Variants in MAF observed in about 807,000 individuals in gnomAD.
MAF encodes the protein MAF bZIP transcription factor, also known as transcription factor Maf.
MAF carries 10 observed loss-of-function variants against 22.0 expected under a neutral mutation model. That is an observed-to-expected ratio of 0.45 (90% CI 0.28 to 0.77). The LOEUF (loss-of-function observed/expected upper bound fraction) is 0.77, where lower values mean the gene tolerates loss of function less well. Ranked by LOEUF, MAF falls within the 30% of genes least tolerant of loss-of-function variation. MAF has a pLI of 0.12. For synonymous variants in MAF, 337 were observed against 255.8 expected, an observed-to-expected ratio of 1.32 and a Z score of -3.03; for missense variants, 544 against 548.4, an observed-to-expected ratio of 0.99 and a Z score of 0.08.
the MAF span, among the ~76,000 whole-genome samples, chr16:79,486,436 A>C: frequency 6.6e-6 from 1 of 152,160 alleles, no homozygotes; most frequent in Non-Finnish European, 1.5e-5. Context: ...GATGTAAGCC[A>C]TGTGTTTTTC....
the MAF span, among the ~76,000 whole-genome samples, chr16:79,269,707 G>A: frequency 3.9e-5 from 6 of 152,138 alleles, no homozygotes; most frequent in African/African-American, 9.7e-5. Context: ...CTTCAAGGTC[G>A]GGGGCTGTCC....
the MAF span, among the ~76,000 whole-genome samples, chr16:79,506,286 C>A: frequency 6.6e-6 from 1 of 152,170 alleles, no homozygotes; most frequent in African/African-American, 2.4e-5. Context: ...CATTTTAATG[C>A]TAAGGAAGCT....
At chr16:79,465,583 G>A in the MAF span, among the ~76,000 whole-genome samples, 8 of 152,176 alleles carry the variant, frequency 5.3e-5, no homozygotes, top group African/African-American at 1.9e-4. Flanking sequence ...CCGGGTGACA[G>A]AGCGAGACCC....
chr16:79,502,708 A>AATATAAATATATATAC, the MAF span, among the ~76,000 whole-genome samples: 4 of 34,000 alleles, frequency 1.2e-4, no homozygotes, highest in Non-Finnish European at 2.2e-4. Context: ...TATAAATATA[A>AATATAAATATATATAC]ATATATATAT....
chr16:79,272,179 G>A, the MAF span, among the ~76,000 whole-genome samples: 3 of 152,214 alleles, frequency 2.0e-5, no homozygotes, highest in East Asian at 1.9e-4. Flanking sequence ...TTGATGTGGC[G>A]TCTCTGGTTC....
chr16:79,348,960 T>C, the MAF span, among the ~76,000 whole-genome samples: 1 of 152,162 alleles, frequency 6.6e-6, no homozygotes, highest in Non-Finnish European at 1.5e-5. Flanking sequence ...CAGACCCTCT[T>C]GTGTGCCCAC....
chr16:79,281,670 T>G, the MAF span, among the ~76,000 whole-genome samples: 46 of 150,656 alleles, frequency 3.1e-4, 1 homozygote, highest in South Asian at 8.8e-3. Context: ...TTCTTCAGCC[T>G]CCTCAGTAGC....
At chr16:79,350,784 C>A in the MAF span, among the ~76,000 whole-genome samples, 2 of 151,696 alleles carry the variant, frequency 1.3e-5, no homozygotes, top group Admixed American at 1.3e-4. Flanking sequence ...CTTCAGTGAG[C>A]AAGAAATACA....
the MAF span, among the ~76,000 whole-genome samples, chr16:79,333,562 G>GACAAA: frequency 2.0e-5 from 3 of 152,122 alleles, no homozygotes; most frequent in Non-Finnish European, 4.4e-5. Context: ...TTGCTAGGTG[G>GACAAA]ACAAAAAGGC....
chr16:79,422,594 C>G, the MAF span, among the ~76,000 whole-genome samples: 1 of 152,134 alleles, frequency 6.6e-6, no homozygotes, highest in Non-Finnish European at 1.5e-5. Context: ...GAGTAAGCAG[C>G]TGGGCCGTCC....
At chr16:79,206,890 A>T in the MAF span, among the ~76,000 whole-genome samples, 1 of 152,210 alleles carries the variant, frequency 6.6e-6, no homozygotes, top group African/African-American at 2.4e-5. Flanking sequence ...GTCCCCTAAA[A>T]GATTGCTCTT....
At chr16:79,321,273 C>A in the MAF span, among the ~76,000 whole-genome samples, 3 of 152,064 alleles carry the variant, frequency 2.0e-5, no homozygotes, top group East Asian at 1.9e-4. Context: ...GGAATGGAAT[C>A]CATCACACCA....
chr16:79,243,521 A>C, the MAF span, among the ~76,000 whole-genome samples: 4 of 152,172 alleles, frequency 2.6e-5, no homozygotes, highest in East Asian at 7.7e-4. Context: ...ACCTGGAAGA[A>C]GTAGAATCCC....
the MAF span, among the ~76,000 whole-genome samples, chr16:79,342,537 C>T: frequency 6.6e-6 from 1 of 152,082 alleles, no homozygotes; most frequent in African/African-American, 2.4e-5. Flanking sequence ...AACATCATCC[C>T]AATCATCACC....
chr16:79,530,015 G>T, the MAF span, among the ~76,000 whole-genome samples: 1 of 152,070 alleles, frequency 6.6e-6, no homozygotes, highest in African/African-American at 2.4e-5. Flanking sequence ...ATGATGCAAG[G>T]TTTGTTTATC....
chr16:79,230,278 G>A, the MAF span, among the ~76,000 whole-genome samples: 38 of 152,238 alleles, frequency 2.5e-4, 1 homozygote, highest in African/African-American at 7.2e-4. Context: ...CTTTCACCCG[G>A]CTAAGGCAGG....
the MAF span, among the ~76,000 whole-genome samples, chr16:79,456,776 T>A: frequency 6.6e-6 from 1 of 152,192 alleles, no homozygotes; most frequent in Non-Finnish European, 1.5e-5. Context: ...CTCAGTGAAG[T>A]GGTCTATTCC....
chr16:79,595,885 T>C (rs1913491175), intron 1 of MAF: 1 of 1,059,348 alleles, frequency 9.4e-7, no homozygotes, highest in African/African-American at 1.6e-5. Context: ...GAGTGGATTT[T>C]CTTTTTCCTA....
the MAF span, among the ~76,000 whole-genome samples, chr16:79,221,701 G>A: frequency 6.6e-6 from 1 of 151,960 alleles, no homozygotes; most frequent in Non-Finnish European, 1.5e-5. Context: ...GTGCATGAGT[G>A]TATGTGATTG....
Sources: allele counts gnomAD v4.1 joint callset (sites outside exome capture counted in the v4.1 genomes callset), GRCh38; gene constraint gnomAD v4.1.1; transcripts MANE v1.5; gene names NCBI Gene and HGNC (gene_info 2026-07-23, HGNC 2026-07-21).